Variants in EPG5 observed in about 807,000 individuals in gnomAD.
EPG5 encodes ectopic P granules protein 5 homolog.
In EPG5, 159 loss-of-function variants were observed where a neutral mutation model predicts 302.7. The observed-to-expected ratio is 0.53, with a 90% CI of 0.46 to 0.60. The LOEUF (loss-of-function observed/expected upper bound fraction) is 0.60, where lower values mean the gene tolerates loss of function less well. Ranked by LOEUF, EPG5 falls within the 20% of genes least tolerant of loss-of-function variation. EPG5 has a pLI of 0.00. For synonymous variants in EPG5, 1,158 were observed against 1,136.8 expected (o/e 1.02, Z -0.37); for missense variants, 2,896 against 3,092.4 (o/e 0.94, Z 1.51).
intron 31 of EPG5, 44 bp from the exon 32 acceptor site, chr18:45,880,267 A>G: frequency 1.3e-6 from 2 of 1,507,216 alleles, no homozygotes; most frequent in Non-Finnish European, 1.8e-6. Context: ...CTTTCCCGAA[A>G]GGAATATTTT....
At chr18:45,809,754 C>T in the EPG5 span, among the ~76,000 whole-genome samples, 1 of 152,120 alleles carries the variant, frequency 6.6e-6, no homozygotes, top group Non-Finnish European at 1.5e-5. Flanking sequence ...GCCCTAAATG[C>T]CCACATCAAA....
At chr18:45,952,751 T>C in intron 2 of EPG5, 108 bp from the exon 3 acceptor site, 1 of 1,171,114 alleles carries the variant, frequency 8.5e-7, no homozygotes, top group East Asian at 2.3e-5. Flanking sequence ...TTCAAAGAGC[T>C]TATAATCATG....
At chr18:45,808,411 C>T in the EPG5 span, among the ~76,000 whole-genome samples, 6 of 152,074 alleles carry the variant, frequency 3.9e-5, no homozygotes, top group Non-Finnish European at 5.9e-5. Context: ...AAGATCATAC[C>T]TATGCACGTT....
At chr18:45,913,573 T>G in intron 21 of EPG5, 133 bp downstream of exon 21, 1 of 1,072,950 alleles carries the variant, frequency 9.3e-7, no homozygotes, top group East Asian at 2.4e-5. Flanking sequence ...GTTTTAAGTA[T>G]TGGTTTGGTT....
intron 33 of EPG5, among the ~76,000 whole-genome samples, chr18:45,878,650 T>C (rs993155705): frequency 1.3e-5 from 2 of 152,208 alleles, no homozygotes; most frequent in Non-Finnish European, 2.9e-5. Context: ...AGAATTTGTA[T>C]TACAATACAA....
chr18:45,928,304 G>A (rs1043207656), intron 13 of EPG5, among the ~76,000 whole-genome samples: 1 of 152,114 alleles, frequency 6.6e-6, no homozygotes, highest in Non-Finnish European at 1.5e-5. Flanking sequence ...GCACATATCT[G>A]TGAATAGACT....
intron 24 of EPG5, among the ~76,000 whole-genome samples, chr18:45,907,003 G>T (rs568984168): frequency 6.6e-6 from 1 of 152,244 alleles, no homozygotes; most frequent in African/African-American, 2.4e-5. Flanking sequence ...GTCTCCTGTT[G>T]GCCAATAAGC....
intron 34 of EPG5, among the ~76,000 whole-genome samples, chr18:45,877,064 A>G (rs2048986189): frequency 6.6e-6 from 1 of 152,084 alleles, no homozygotes; most frequent in Non-Finnish European, 1.5e-5. Context: ...GTTTACAGGC[A>G]TGAGCCACCA....
chr18:45,831,743 C>CT, the EPG5 span, among the ~76,000 whole-genome samples: 555 of 146,584 alleles, frequency 3.8e-3, 7 homozygotes, highest in East Asian at 9.8e-3. Flanking sequence ...GTACCAACAT[C>CT]TTTTTTTTTT....
In EPG5 at chr18:45,851,352, CACAGA is replaced by C. The variant is rs2048420277; in HGVS notation, c.*1110_*1114del. 6.6e-6 allele frequency: 1 copy of C among 152,020 alleles called. No homozygotes were observed. The highest frequency in any genetic ancestry group is 2.1e-4 in the South Asian group (1 of 4,798). 9.4% of individuals were successfully genotyped at this position (152,020 alleles called of 1,614,324 possible). A position where few individuals can be genotyped will look rare whatever the true frequency, so the allele number is the denominator to read the frequency against. On this transcript the variant is annotated 3_prime_UTR_variant, in exon 44 of 44. Transcript: ENST00000282041. ...GAAATAACATGAGCAAGAAGATGGC[CACAGA>C]ACAAGGCAAAGTTACACACAGGCTT...
At chr18:45,932,017 A>G (rs986825001) in intron 11 of EPG5, among the ~76,000 whole-genome samples, 2 of 152,084 alleles carry the variant, frequency 1.3e-5, no homozygotes, top group Non-Finnish European at 1.5e-5. Flanking sequence ...GACATTTACC[A>G]AACCAATTTT....
chr18:45,819,387 T>C, the EPG5 span, among the ~76,000 whole-genome samples: 1 of 152,338 alleles, frequency 6.6e-6, no homozygotes, highest in East Asian at 1.9e-4. Flanking sequence ...TTTGTTTCAT[T>C]GATCTGAAGC....
Position 45,878,505 on chromosome 18 carries a change from G to A in EPG5, c.5870-57C>T, listed in dbSNP as rs145742289. On this transcript the variant is annotated intron_variant, in intron 33 of 43. Transcript: ENST00000282041. ...TCATTTGTCATTTGTCAATATCACT[G>A]CTCACATTATATAGAAAAATCTACC... 25,502 of 1,087,772 alleles carry A rather than the reference G, an allele frequency of 0.023. 369 individuals carry two copies. Among genetic ancestry groups the A allele is most frequent in the Middle Eastern group, 0.042 (210 of 4,944 alleles). The allele number at this position is 1,087,772 out of a possible 1,614,324, so 67.4% of individuals were successfully genotyped here.
intron 34 of EPG5, among the ~76,000 whole-genome samples, chr18:45,877,743 A>G (rs1448953313): frequency 6.6e-6 from 1 of 152,212 alleles, no homozygotes; most frequent in Admixed American, 6.5e-5. Context: ...TGAGTTTGAC[A>G]TTCATGTTCT....
At chr18:45,966,072 A>AAAAAC (rs1293663359) in intron 1 of EPG5, among the ~76,000 whole-genome samples, 1 of 146,854 alleles carries the variant, frequency 6.8e-6, no homozygotes, top group Non-Finnish European at 1.5e-5. Context: ...AAACAAAAAC[A>AAAAAC]AAAACAAAAC....
chr18:45,839,617 C>T, the EPG5 span, among the ~76,000 whole-genome samples: 1 of 152,154 alleles, frequency 6.6e-6, no homozygotes, highest in South Asian at 2.1e-4. Context: ...AGGTATGCCT[C>T]CCTCTGGTGG....
intron 22 of EPG5, 57 bp downstream of exon 22, chr18:45,912,233 A>T: frequency 4.2e-6 from 6 of 1,423,232 alleles, no homozygotes; most frequent in Non-Finnish European, 5.6e-6. Flanking sequence ...ACATAGAATG[A>T]GAGCAGTGCA....
chr18:45,838,640 C>T, the EPG5 span: 1 of 1,446,240 alleles, frequency 6.9e-7, no homozygotes, highest in Non-Finnish European at 9.1e-7. Flanking sequence ...TGACCAGCCC[C>T]CACCCCTCCG....
intron 33 of EPG5, 116 bp downstream of exon 33, chr18:45,878,897 T>G: frequency 1.3e-6 from 1 of 788,544 alleles, no homozygotes; most frequent in Non-Finnish European, 2.1e-6. Flanking sequence ...GCCTGTTCTA[T>G]ATATTTCTAC....
Sources: gnomAD v4.1 joint callset for allele counts (sites outside exome capture counted in the v4.1 genomes callset) on GRCh38, gnomAD v4.1.1 for gene constraint, MANE v1.5 for transcripts, NCBI Gene and HGNC (gene_info 2026-07-23, HGNC 2026-07-21) for gene names.